Variants in PIAS2 observed in about 807,000 individuals in gnomAD.
PIAS2 encodes the protein E3 SUMO-protein ligase PIAS2.
In PIAS2, 19 loss-of-function variants were observed where a neutral mutation model predicts 69.7. The observed-to-expected ratio is 0.27, with a 90% CI of 0.19 to 0.40. The LOEUF is 0.40. PIAS2 is among the 10% of genes least tolerant of loss of function. The probability of loss-of-function intolerance (pLI) is 1.00; values close to 1 mark genes in which losing one functional copy is unlikely to be tolerated. For missense variants in PIAS2, 624 were observed against 757.0 expected, an observed-to-expected ratio of 0.82 and a Z score of 2.06; for synonymous variants, 261 against 263.2, an observed-to-expected ratio of 0.99 and a Z score of 0.08.
In PIAS2 at chr18:46,890,667, G is replaced by A; in HGVS notation, c.412C>T (p.Pro138Ser). The A allele has an allele frequency of 6.2e-7, 1 of 1,614,054 alleles. No individual in the cohort carries two copies. The highest frequency in any genetic ancestry group is 8.5e-7 in the Non-Finnish European group (1 of 1,179,942). ...ACATCAGGATGGACAGGAGGAATTGGGGGAGATGGCTGCTGCATCTCAAAT... is the reference window on the plus strand; with the variant it reads ...ACATCAGGATGGACAGGAGGAATTGAGGGAGATGGCTGCTGCATCTCAAAT... Reference protein sequence around the residue: ...PTFEMQQPSPPIPPVHPDVQL... With the variant: ...PTFEMQQPSPSIPPVHPDVQL... The change falls in exon 2 of 14, where the codon CCA becomes TCA. Residue 138 changes from proline to serine, a missense_variant. Pro to Ser is a moderately conservative substitution (Grantham distance 74, BLOSUM62 -1). Transcript: ENST00000585916.
intron 2 of PIAS2, among the ~76,000 whole-genome samples, chr18:46,873,521 G>A (rs1455362221): frequency 6.6e-6 from 1 of 152,134 alleles, no homozygotes; most frequent in African/African-American, 2.4e-5. Flanking sequence ...CCAATAATTG[G>A]TTGGCCCAAA....
chr18:46,881,515 C>T (rs2052258864), intron 2 of PIAS2, among the ~76,000 whole-genome samples: 1 of 152,078 alleles, frequency 6.6e-6, no homozygotes, highest in South Asian at 2.1e-4. Flanking sequence ...ATTTCTGTGA[C>T]CACTCACAGT....
chr18:46,917,617 AGCGCCCGCCC>A (rs1305926480), upstream of PIAS2: 9 of 956,358 alleles, frequency 9.4e-6, no homozygotes, highest in Admixed American at 5.9e-5. Context: ...GCGCGGCGAC[AGCGCCCGCCC>A]GCGCCTGCCC....
intron 5 of PIAS2, among the ~76,000 whole-genome samples, chr18:46,850,501 T>C (rs1003428583): frequency 2.6e-5 from 4 of 152,196 alleles, no homozygotes; most frequent in African/African-American, 9.7e-5. Flanking sequence ...TTTGTTGCTC[T>C]ACCTCCCATA....
chr18:46,816,186 A>C, intron 12 of PIAS2: 1 of 985,372 alleles, frequency 1.0e-6, no homozygotes, highest in Non-Finnish European at 1.2e-6. Context: ...CAATTCCGTG[A>C]ATTTTTATGC....
In PIAS2 at chr18:46,827,992, A is replaced by C. The variant is rs1340846162; in HGVS notation, c.1475T>G (p.Phe492Cys). The C allele has an allele frequency of 3.1e-6, 5 of 1,613,770 alleles. No individual in the cohort carries two copies. The Admixed American group carries it at 5.0e-5, about 16-fold the overall frequency. The stretch of plus-strand genomic sequence containing the variant: ...TGGGCTGCTTTGTGTTTCTGACATA[A>C]AGATGCATTTCCTTTTGGCAGGAGG... Reference protein sequence around the residue: ...EDPPAKRKCIFMSETQSSPTK... With the variant: ...EDPPAKRKCICMSETQSSPTK... The change falls in exon 11 of 14, where the codon TTT becomes TGT. Residue 492 changes from phenylalanine to cysteine, a missense_variant. Phe to Cys is a radical substitution (Grantham distance 205, BLOSUM62 -2). This residue lies in a region of PIAS2 where 241 missense variants were observed against 257.3 expected (regional missense o/e 0.94). Transcript: ENST00000585916.
rs1424049916 is a variant in PIAS2, at chr18:46,917,308, C to T, written c.24+14G>A. 1.4e-6 allele frequency: 2 copies of T among 1,478,272 alleles called. No homozygotes were observed. Among genetic ancestry groups the T allele is most frequent in the African/African-American group, 1.5e-5 (1 of 67,570 alleles). 91.6% of individuals were successfully genotyped at this position (1,478,272 alleles called of 1,614,324 possible). A position where few individuals can be genotyped will look rare whatever the true frequency, so the allele number is the denominator to read the frequency against. On this transcript the variant is annotated intron_variant, in intron 1 of 13. Coordinates refer to ENST00000585916, the MANE Select transcript of PIAS2 (RefSeq NM_004671.5). Reference sequence around the variant, plus strand: ...TCCCCTCCCCCGCGGCCTCCGCTCTCCACTCCCGCTTACCCTCAACTCTTC... The same window carrying T: ...TCCCCTCCCCCGCGGCCTCCGCTCTTCACTCCCGCTTACCCTCAACTCTTC...
chr18:46,821,126 G>C (rs1390200963), intron 11 of PIAS2, 54 bp from the exon 12 acceptor site: 1 of 1,586,984 alleles, frequency 6.3e-7, no homozygotes, highest in South Asian at 1.1e-5. Context: ...GTTCACAGGA[G>C]AGAAGAGCTG....
chr18:46,805,135 A>C lies in PIAS2; in HGVS notation c.*7298T>G, dbSNP rs2040627189. 1 of 152,250 alleles carries C rather than the reference A, an allele frequency of 6.6e-6. No individual in the cohort carries two copies. The highest frequency in any genetic ancestry group is 1.5e-5 in the Non-Finnish European group (1 of 68,066). 9.4% of individuals were successfully genotyped at this position (152,250 alleles called of 1,614,324 possible). A position where few individuals can be genotyped will look rare whatever the true frequency, so the allele number is the denominator to read the frequency against. ...TCTGAGAAGGAAGTGGCCTGAAAAGAGGGCAATAACATTTGTTATAACTGA... is the reference window on the plus strand; with the variant it reads ...TCTGAGAAGGAAGTGGCCTGAAAAGCGGGCAATAACATTTGTTATAACTGA... On this transcript the variant is annotated 3_prime_UTR_variant, in exon 14 of 14. Transcript: ENST00000585916.
chr18:46,837,264 A>G (rs1338398516), intron 8 of PIAS2, among the ~76,000 whole-genome samples: 2 of 152,142 alleles, frequency 1.3e-5, no homozygotes, highest in African/African-American at 4.8e-5. Flanking sequence ...AACCTTTTCA[A>G]TATAATGTTA....
intron 2 of PIAS2, among the ~76,000 whole-genome samples, chr18:46,879,455 G>C (rs2051816056): frequency 6.6e-6 from 1 of 152,288 alleles, no homozygotes; most frequent in South Asian, 2.1e-4. Context: ...TGCACTGCTG[G>C]TGGGGAATGT....
intron 11 of PIAS2, among the ~76,000 whole-genome samples, chr18:46,825,170 G>C (rs1599395759): frequency 6.6e-6 from 1 of 152,088 alleles, no homozygotes; most frequent in Middle Eastern, 3.4e-3. Flanking sequence ...AAAAACTCTA[G>C]ATGCTGAACT....
In PIAS2 at chr18:46,910,784, T is replaced by C. The variant is rs2057173787; in HGVS notation, c.24+6538A>G. On this transcript the variant is annotated intron_variant, in intron 1 of 13. Transcript: ENST00000585916. Reference sequence around the variant, plus strand: ...ATGGACCTCTGATTAGCACACCAAGTATTTTAGATTCCCACAGCAAAGTTT... The same window carrying C: ...ATGGACCTCTGATTAGCACACCAAGCATTTTAGATTCCCACAGCAAAGTTT... Among the ~76,000 whole-genome samples the C allele has an allele frequency of 3.3e-5, 5 of 152,288 alleles. No individual in the cohort carries two copies. The South Asian group carries it at 1.0e-3, about 32-fold the overall frequency.
At chr18:46,901,888 C>T (rs894591229) in intron 1 of PIAS2, among the ~76,000 whole-genome samples, 8 of 152,202 alleles carry the variant, frequency 5.3e-5, no homozygotes, top group Non-Finnish European at 1.0e-4. Context: ...CTACTATCAC[C>T]CCTCATTCAA....
intron 2 of PIAS2, among the ~76,000 whole-genome samples, chr18:46,878,487 A>C (rs891030683): frequency 6.6e-6 from 1 of 152,230 alleles, no homozygotes; most frequent in African/African-American, 2.4e-5. Context: ...AATATACTTA[A>C]TATAAAACCT....
At chr18:46,845,643 A>C (rs2046058679) in intron 6 of PIAS2, among the ~76,000 whole-genome samples, 1 of 151,820 alleles carries the variant, frequency 6.6e-6, no homozygotes, top group East Asian at 1.9e-4. Flanking sequence ...AAAAAAAAAA[A>C]CCTATCTTCC....
rs2054754756 is a variant in PIAS2 at position 46,895,709 on chromosome 18, TA to T, written c.25-4656del. Among the ~76,000 whole-genome samples, 4 of 152,030 alleles carry T rather than the reference TA, an allele frequency of 2.6e-5. No individual in the cohort carries two copies. The South Asian group carries it at 8.3e-4, about 32-fold the overall frequency. ...AATCATCTACATCTTCATTTATAAG[TA>T]GGAATAAAGAAAAACTGCCAGATTA... On this transcript the variant is annotated intron_variant, in intron 1 of 13. Coordinates refer to ENST00000585916, the MANE Select transcript of PIAS2 (RefSeq NM_004671.5).
chr18:46,862,197 G>A (rs141664295), intron 3 of PIAS2, among the ~76,000 whole-genome samples: 2,897 of 152,178 alleles, frequency 0.019, 46 homozygotes, highest in Admixed American at 0.036. Flanking sequence ...CAGGTATGGC[G>A]GCACCTGCCT....
intron 3 of PIAS2, among the ~76,000 whole-genome samples, chr18:46,862,007 A>C (rs2048731645): frequency 6.6e-6 from 1 of 152,174 alleles, no homozygotes; most frequent in South Asian, 2.1e-4. Flanking sequence ...TATTTCTATA[A>C]TTTTTATCTA....
Sources: gnomAD v4.1 joint callset for allele counts (sites outside exome capture counted in the v4.1 genomes callset) on GRCh38, gnomAD v4.1.1 for gene constraint, gnomAD v4.1.1 regional missense constraint, MANE v1.5 for transcripts, NCBI Gene and HGNC (gene_info 2026-07-23, HGNC 2026-07-21) for gene names.